The following BICD1 variants were observed in gnomAD, a reference collection of about 807,000 sequenced individuals.
BICD1 encodes protein bicaudal D homolog 1.
Under a neutral mutation model 92.5 loss-of-function variants are expected in BICD1, and 35 were observed. That is an observed-to-expected ratio of 0.38 (90% CI 0.29 to 0.50). The LOEUF (loss-of-function observed/expected upper bound fraction) is 0.50, where lower values mean the gene tolerates loss of function less well. Ranked by LOEUF, BICD1 falls within the 20% of genes least tolerant of loss-of-function variation. BICD1 has a pLI of 0.93. For missense variants in BICD1, 950 were observed against 1,189.8 expected, an observed-to-expected ratio of 0.80 and a Z score of 2.97; for synonymous variants, 429 against 465.1, an observed-to-expected ratio of 0.92 and a Z score of 1.00.
intron 2 of BICD1, among the ~76,000 whole-genome samples, chr12:32,282,199 CTTCTTTTTTTTTT>C (rs1565639622): frequency 4.5e-4 from 31 of 68,922 alleles, no homozygotes; most frequent in East Asian, 1.7e-3. Flanking sequence ...TTCAGGTCTT[CTTCTTTTTTTTTT>C]TTTTTTTTTT....
intron 2 of BICD1, among the ~76,000 whole-genome samples, chr12:32,285,137 TTA>T (rs1330810174): frequency 6.6e-6 from 1 of 152,164 alleles, no homozygotes; most frequent in Non-Finnish European, 1.5e-5. Flanking sequence ...CTATCTCCAT[TTA>T]GTTAACCTTT....
At chr12:32,183,336 G>A (rs1944334599) in intron 1 of BICD1, among the ~76,000 whole-genome samples, 1 of 150,064 alleles carries the variant, frequency 6.7e-6, no homozygotes, top group East Asian at 2.0e-4. Flanking sequence ...GCAGTGGTGC[G>A]ATCTTGGCTC....
At chr12:32,364,027 T>C (rs1317376323) in intron 8 of BICD1, among the ~76,000 whole-genome samples, 7 of 151,860 alleles carry the variant, frequency 4.6e-5, no homozygotes, top group Admixed American at 6.6e-5. Flanking sequence ...ATCACCACCA[T>C]CATCACCATC....
At position 32,224,047 on chromosome 12, in the gene BICD1, T is replaced by C. The variant is rs146791668; in HGVS notation, c.426+7588T>C. On this transcript the variant is annotated intron_variant, in intron 2 of 9. Transcript: ENST00000652176. ...GACACAGACACACAAAGTGAGCACA[T>C]TTAATGTATCCAGTAAAAACCAAAG... Among the ~76,000 whole-genome samples the C allele has an allele frequency of 4.1e-4, 62 of 152,350 alleles. No individual in the cohort carries two copies. In the East Asian group the frequency reaches 0.011, roughly 28 times the overall value.
Position 32,107,365 on chromosome 12 carries a change from C to G in BICD1, c.34C>G (p.His12Asp), listed in dbSNP as rs377203999. The G allele has an allele frequency of 7.5e-6, 12 of 1,609,700 alleles. No homozygotes were observed. The highest frequency in any genetic ancestry group is 1.0e-5 in the Non-Finnish European group (12 of 1,178,322). Residue 12 changes from histidine to aspartate, a missense_variant, in exon 1 of 10, where the codon CAT (histidine) becomes GAT (aspartate). His to Asp is a moderately conservative substitution (Grantham distance 81). This residue lies in a region of BICD1 where 202 missense variants were observed against 205.3 expected (regional missense o/e 0.98). Coordinates refer to ENST00000652176, the MANE Select transcript of BICD1 (RefSeq NM_001714.4). ...AGAAGAGGTATTGCAGACGGTGGAC[C>G]ATTATAAGACTGAGATAGAGAGGCT... ...AAEEVLQTVD[H>D]YKTEIERLTK...
chr12:32,346,805 G>T (rs969141693), intron 8 of BICD1, among the ~76,000 whole-genome samples: 2 of 148,742 alleles, frequency 1.3e-5, no homozygotes, highest in African/African-American at 4.9e-5. Context: ...TTTCGCTAAG[G>T]GCTACTGTGT....
intron 1 of BICD1, among the ~76,000 whole-genome samples, chr12:32,183,264 CTT>C (rs11296815): frequency 5.2e-4 from 69 of 132,630 alleles, no homozygotes; most frequent in Admixed American, 6.9e-4. Flanking sequence ...CTAATAATTA[CTT>C]TTTTTTTTTT....
intron 2 of BICD1, among the ~76,000 whole-genome samples, chr12:32,225,479 T>G (rs1945650662): frequency 6.6e-6 from 1 of 152,068 alleles, no homozygotes; most frequent in Non-Finnish European, 1.5e-5. Context: ...CTTAAGAGAG[T>G]GGGGATACTA....
intron 1 of BICD1, among the ~76,000 whole-genome samples, chr12:32,113,099 G>A (rs1462503296): frequency 6.6e-6 from 1 of 152,146 alleles, no homozygotes; most frequent in Non-Finnish European, 1.5e-5. Context: ...TCTCTGCCAA[G>A]TCTACAAGTG....
chr12:32,187,829 A>C (rs1944462081), intron 1 of BICD1, among the ~76,000 whole-genome samples: 1 of 152,238 alleles, frequency 6.6e-6, no homozygotes, highest in African/African-American at 2.4e-5. Context: ...ACATCACACA[A>C]TATATCCATC....
chr12:32,153,838 AAT>A (rs1290699184), intron 1 of BICD1, among the ~76,000 whole-genome samples: 2 of 150,472 alleles, frequency 1.3e-5, no homozygotes, highest in Non-Finnish European at 3.0e-5. Flanking sequence ...TAATATATAT[AAT>A]ATATATGTAA....
intron 1 of BICD1, chr12:32,108,947 T>C: frequency 2.7e-6 from 1 of 368,516 alleles, no homozygotes. Flanking sequence ...TGCTAAACCT[T>C]GTGAAGTGAG....
intron 1 of BICD1, among the ~76,000 whole-genome samples, chr12:32,189,803 AT>A (rs1944515818): frequency 6.6e-6 from 1 of 150,428 alleles, no homozygotes; most frequent in African/African-American, 2.5e-5. Flanking sequence ...GGTTCAAGAG[AT>A]TCTCCTGCCT....
chr12:32,262,756 C>T (rs947626123), intron 2 of BICD1, among the ~76,000 whole-genome samples: 3 of 152,216 alleles, frequency 2.0e-5, no homozygotes, highest in African/African-American at 7.2e-5. Context: ...GCACCAGAAG[C>T]AGGAGCTTTC....
chr12:32,195,215 T>G (rs576330962), intron 1 of BICD1, among the ~76,000 whole-genome samples: 2 of 152,290 alleles, frequency 1.3e-5, no homozygotes, highest in Admixed American at 1.3e-4. Context: ...TTCAATGCGA[T>G]GCCTATCAAA....
At position 32,337,230 on chromosome 12, in the gene BICD1, C is replaced by T. The variant is rs1351938759; in HGVS notation, c.2253-269C>T. 6.6e-6 allele frequency among the ~76,000 whole-genome samples: 1 copy of T among 152,082 alleles called. No individual in the cohort carries two copies. The highest frequency in any genetic ancestry group is 2.4e-5 in the African/African-American group (1 of 41,412). ...CCACTGCACTCCAGCCTGGGCGATACAGCGAGACTCAGTCTCAAAAAACAA... is the reference window on the plus strand; with the variant it reads ...CCACTGCACTCCAGCCTGGGCGATATAGCGAGACTCAGTCTCAAAAAACAA... On this transcript the variant is annotated intron_variant, in intron 6 of 9. Transcript: ENST00000652176. The surrounding 1 kb of genome is among the most constrained non-coding windows in gnomAD (Gnocchi z 4.7).
intron 2 of BICD1, among the ~76,000 whole-genome samples, chr12:32,283,833 A>C (rs1304061944): frequency 6.6e-6 from 1 of 152,246 alleles, no homozygotes; most frequent in Non-Finnish European, 1.5e-5. Context: ...TGGATCTGAC[A>C]TCCAGGGGTC....
intron 2 of BICD1, among the ~76,000 whole-genome samples, chr12:32,268,087 T>C (rs1046732851): frequency 2.0e-5 from 3 of 152,226 alleles, no homozygotes; most frequent in Non-Finnish European, 4.4e-5. Context: ...TGTGAGCCAC[T>C]GCACCCAGCC....
intron 4 of BICD1, among the ~76,000 whole-genome samples, chr12:32,312,336 C>A (rs1948402761): frequency 6.6e-6 from 1 of 152,214 alleles, no homozygotes; most frequent in Non-Finnish European, 1.5e-5. Flanking sequence ...TTGCATACAA[C>A]CTGCAGACTT....
Sources: gnomAD v4.1 joint callset for allele counts (sites outside exome capture counted in the v4.1 genomes callset) on GRCh38, gnomAD v4.1.1 for gene constraint, gnomAD v4.1.1 regional missense constraint, Gnocchi (gnomAD v3.1) non-coding constraint, MANE v1.5 for transcripts, NCBI Gene and HGNC (gene_info 2026-07-23, HGNC 2026-07-21) for gene names.